CORO7: variants seen among roughly 807,000 people sequenced by gnomAD.
CORO7 encodes the protein coronin-7.
CORO7 carries 107 observed loss-of-function variants against 126.6 expected under a neutral mutation model. The ratio of observed to expected loss-of-function variants is 0.85; its 90% CI spans 0.72 to 0.99. The LOEUF is 0.99. Ranked by LOEUF, CORO7 falls within the 50% of genes least tolerant of loss-of-function variation. CORO7 has a pLI of 0.00. For synonymous variants in CORO7, 603 were observed against 536.8 expected, an observed-to-expected ratio of 1.12 and a Z score of -1.70; for missense variants, 1,314 against 1,255.8, an observed-to-expected ratio of 1.05 and a Z score of -0.70.
intron 9 of CORO7, among the ~76,000 whole-genome samples, chr16:4,386,656 C>T (rs1315195240): frequency 6.6e-6 from 1 of 152,176 alleles, no homozygotes; most frequent in Non-Finnish European, 1.5e-5. Flanking sequence ...CTGAGGGCAG[C>T]CCTGACTCTG....
chr16:4,364,553 G>A, intron 13 of CORO7, 44 bp downstream of exon 13: 1 of 1,534,040 alleles, frequency 6.5e-7, no homozygotes, highest in East Asian at 2.4e-5. Flanking sequence ...GGGGCTACCA[G>A]GGACTCGGGG....
At chr16:4,415,814 A>G (rs1054320355) in intron 1 of CORO7, 19 of 985,460 alleles carry the variant, frequency 1.9e-5, no homozygotes, top group Non-Finnish European at 2.3e-5. Flanking sequence ...GTCTCCCGGC[A>G]CCTGGCTCAG....
intron 26 of CORO7, 93 bp downstream of exon 26, chr16:4,357,075 C>G: frequency 6.6e-7 from 1 of 1,508,542 alleles, no homozygotes; most frequent in Non-Finnish European, 9.1e-7. Context: ...GGCTGCTGTC[C>G]CAGTCTGGGT....
intron 6 of CORO7, among the ~76,000 whole-genome samples, chr16:4,401,525 C>T (rs2055807667): frequency 6.6e-6 from 1 of 152,202 alleles, no homozygotes; most frequent in African/African-American, 2.4e-5. Flanking sequence ...CACTACTCCA[C>T]ACCTCGGATT....
rs760700653 is a variant in CORO7 at position 4,360,515 on chromosome 16, G to C, written c.1951C>G (p.Gln651Glu). The change falls in exon 20 of 28, where the codon CAG (glutamine) becomes GAG (glutamate). Residue 651 changes from glutamine (Q) to glutamate (E), a missense_variant. Physicochemically the swap from Gln to Glu is conservative, Grantham distance 29. Transcript: ENST00000251166. ...FSLAWSPDGQQLATVCKDGRV... is the reference protein window; with the variant it reads ...FSLAWSPDGQELATVCKDGRV... ...CCATCCTTGCAGACAGTGGCCAGCT[G>C]CTGCCCATCAGGACTCCAGGCCAGG... is the stretch of plus-strand genomic sequence containing the variant. The C allele has an allele frequency of 1.2e-6, 2 of 1,610,764 alleles. No individual in the cohort carries two copies. The highest frequency in any genetic ancestry group is 8.5e-7 in the Non-Finnish European group (1 of 1,179,032).
chr16:4,380,982 A>T (rs1379383090), intron 9 of CORO7: 1 of 1,607,950 alleles, frequency 6.2e-7, no homozygotes, highest in Non-Finnish European at 8.5e-7. Flanking sequence ...AGCCACAGAC[A>T]GTCTTCTGCA....
At position 4,362,592 on chromosome 16, in the gene CORO7, TC is replaced by T; in HGVS notation, c.1402+19del. 1.3e-6 allele frequency: 2 copies of T among 1,536,238 alleles called. No individual in the cohort carries two copies. The highest frequency in any genetic ancestry group is 4.1e-5 in the Admixed American group (2 of 48,244). ...CAGGGCTCCTGCGGTAGGGGTGAGC[TC>T]CCCGTCCTGCCTCCTTACCCAGCAG... On this transcript the variant is annotated intron_variant, in intron 15 of 27. Coordinates refer to ENST00000251166, the MANE Select transcript of CORO7 (RefSeq NM_024535.5). This position sits in a 1 kb window ranked among gnomAD's most constrained non-coding sequence, Gnocchi z 5.3.
intron 7 of CORO7, 141 bp downstream of exon 7, chr16:4,395,148 G>T: frequency 8.7e-7 from 1 of 1,150,546 alleles, no homozygotes; most frequent in Non-Finnish European, 1.2e-6. Context: ...AGCAGTGGTG[G>T]TCCACCTCCT....
rs773644877 is a variant in CORO7, at chr16:4,413,361, C to T, written c.104G>A (p.Arg35Lys). 1 of 1,586,846 alleles carries T rather than the reference C, an allele frequency of 6.3e-7. No homozygotes were observed. Among genetic ancestry groups the T allele is most frequent in the South Asian group, 1.1e-5 (1 of 87,214 alleles). Residue 35 changes from arginine to lysine, a missense_variant, in exon 2 of 28, where the codon AGG (arginine) becomes AAG (lysine). Physicochemically the swap from Arg to Lys is conservative, Grantham distance 26 (BLOSUM62 2). Transcript: ENST00000251166. ...GCTGCAGCTTGATTTGATGTGGTTC[C>T]TGCATGAAGGGGCGGTTCCTGCTCG... ...DIRAGTAPSCRNHIKSSCSLI... is the reference protein window; with the variant it reads ...DIRAGTAPSCKNHIKSSCSLI...
chr16:4,379,718 C>A (rs2054880801), intron 9 of CORO7, among the ~76,000 whole-genome samples: 2 of 151,996 alleles, frequency 1.3e-5, no homozygotes, highest in African/African-American at 4.8e-5. Context: ...GCTCATCTTT[C>A]TTGGTGCCCA....
chr16:4,405,025 C>T (rs2055945676), intron 6 of CORO7, among the ~76,000 whole-genome samples: 1 of 152,162 alleles, frequency 6.6e-6, no homozygotes, highest in Non-Finnish European at 1.5e-5. Flanking sequence ...GGCCACGCGT[C>T]CCTGGCCTGT....
Position 4,360,508 on chromosome 16 carries a change from G to A in CORO7, c.1958C>T (p.Ala653Val), listed in dbSNP as rs2054131009. The A allele has an allele frequency of 5.0e-6, 8 of 1,610,984 alleles. No individual in the cohort carries two copies. The highest frequency in any genetic ancestry group is 5.9e-6 in the Non-Finnish European group (7 of 1,179,186). ...CACACGCCCATCCTTGCAGACAGTG[G>A]CCAGCTGCTGCCCATCAGGACTCCA... Reference protein sequence around the residue: ...LAWSPDGQQLATVCKDGRVRV... With the variant: ...LAWSPDGQQLVTVCKDGRVRV... The change falls in exon 20 of 28, where the codon GCC (alanine) becomes GTC (valine). Residue 653 changes from alanine (A) to valine (V), a missense_variant. Ala to Val is a moderately conservative substitution (Grantham distance 64). Transcript: ENST00000251166.
At chr16:4,411,434 G>A (rs2056203618) in intron 3 of CORO7, among the ~76,000 whole-genome samples, 1 of 152,082 alleles carries the variant, frequency 6.6e-6, no homozygotes, top group Non-Finnish European at 1.5e-5. Context: ...GGGCCTGGTG[G>A]ATCACACCTG....
chr16:4,382,383 G>A (rs753432185), intron 9 of CORO7: 40 of 1,612,136 alleles, frequency 2.5e-5, no homozygotes, highest in Admixed American at 1.3e-4. Flanking sequence ...GCAACCTATC[G>A]GGCCCTGATA....
At chr16:4,394,448 C>CAA (rs569253246) in intron 7 of CORO7, among the ~76,000 whole-genome samples, 17 of 61,700 alleles carry the variant, frequency 2.8e-4, no homozygotes, top group South Asian at 1.0e-3. Context: ...GACTCCGTCT[C>CAA]AAAAAAAAAA....
chr16:4,360,900 C>T (rs2054156008), intron 19 of CORO7, 43 bp downstream of exon 19: 1 of 1,581,220 alleles, frequency 6.3e-7, no homozygotes, highest in Admixed American at 1.7e-5. Context: ...ACTGCTGGCC[C>T]CGCCTCTCCA....
chr16:4,414,085 G>A (rs963800776), intron 1 of CORO7, among the ~76,000 whole-genome samples: 1 of 151,702 alleles, frequency 6.6e-6, no homozygotes, highest in Non-Finnish European at 1.5e-5. Context: ...CAGCTACTCA[G>A]GAGGCTGAGG....
chr16:4,390,999 C>A (rs968269414), intron 7 of CORO7, among the ~76,000 whole-genome samples: 2 of 152,230 alleles, frequency 1.3e-5, no homozygotes, highest in African/African-American at 2.4e-5. Flanking sequence ...CCGTGCCCAG[C>A]CACTCCCCAA....
intron 9 of CORO7, chr16:4,382,597 C>T (rs770367831): frequency 1.3e-6 from 2 of 1,589,818 alleles, no homozygotes; most frequent in Non-Finnish European, 1.7e-6. Context: ...CGAGGGCAAC[C>T]TGCCGCTCCT....
Sources: allele counts gnomAD v4.1 joint callset (sites outside exome capture counted in the v4.1 genomes callset), GRCh38; gene constraint gnomAD v4.1.1; non-coding constraint Gnocchi (gnomAD v3.1); transcripts MANE v1.5; gene names NCBI Gene and HGNC (gene_info 2026-07-23, HGNC 2026-07-21).